The following CREBZF variants were observed in gnomAD, a reference collection of about 807,000 sequenced individuals.
The protein encoded by CREBZF is CREB/ATF bZIP transcription factor, also known as HCF-binding transcription factor Zhangfei.
CREBZF carries 8 observed loss-of-function variants against 21.1 expected under a neutral mutation model. The ratio of observed to expected loss-of-function variants is 0.38; its 90% CI spans 0.22 to 0.68. The LOEUF (loss-of-function observed/expected upper bound fraction) is 0.68. CREBZF is among the 30% of genes least tolerant of loss of function. The probability of loss-of-function intolerance (pLI) is 0.51; values close to 1 mark genes in which losing one functional copy is unlikely to be tolerated. For synonymous variants in CREBZF, 270 were observed against 223.3 expected (o/e 1.21, Z -1.86); for missense variants, 518 against 484.3 (o/e 1.07, Z -0.65).
At chr11:85,675,697 G>C (rs1270792891) in intron 1 of CREBZF, among the ~76,000 whole-genome samples, 1 of 152,108 alleles carries the variant, frequency 6.6e-6, no homozygotes, top group Non-Finnish European at 1.5e-5. Context: ...CCTTCGATTT[G>C]TAAAAAATGC....
rs3824956 is a variant in CREBZF, at chr11:85,659,438, C to T, written c.*4373G>A. 0.28 allele frequency among the ~76,000 whole-genome samples: 42,654 copies of T among 151,912 alleles called. 6,603 individuals are homozygous for T. The highest frequency in any genetic ancestry group is 0.39 in the African/African-American group (16,272 of 41,460). ...AGCTGTACTGTAGGAGCATCAGCGC[C>T]TAAGTTTTAAGCCAGTGGGAATACT... On this transcript the variant is annotated 3_prime_UTR_variant, in exon 1 of 1. Coordinates refer to ENST00000527447, the MANE Select transcript of CREBZF (RefSeq NM_001039618.4).
intron 1 of CREBZF, among the ~76,000 whole-genome samples, chr11:85,675,840 A>G (rs1324922939): frequency 6.6e-6 from 1 of 152,204 alleles, no homozygotes; most frequent in African/African-American, 2.4e-5. Flanking sequence ...TAGTGAGACC[A>G]TGAGGGGACA....
chr11:85,677,285 C>CCA lies in CREBZF; in HGVS notation n.147+5430_147+5431dup, dbSNP rs201129883. 9.9e-3 allele frequency among the ~76,000 whole-genome samples: 1,509 copies of CCA among 152,166 alleles called. 133 individuals are homozygous for CCA. In the East Asian group the frequency reaches 0.21, roughly 21 times the overall value. ...CGGCTTAAGTCATTTTTTTGTGTAGCCACAATGCCATGATTACAACTAATA... is the reference window on the plus strand; with the variant it reads ...CGGCTTAAGTCATTTTTTTGTGTAGCCACACAATGCCATGATTACAACTAATA... On this transcript the variant is annotated intron_variant and non_coding_transcript_variant, in intron 1 of 3. Coordinates refer to the CREBZF transcript ENST00000531515.
chr11:85,659,102 T>TA lies in CREBZF; in HGVS notation c.*4708dup, dbSNP rs1267755090. 3.3e-5 allele frequency among the ~76,000 whole-genome samples: 5 copies of TA among 151,834 alleles called. No homozygotes were observed. Among genetic ancestry groups the TA allele is most frequent in the East Asian group, 1.9e-4 (1 of 5,184 alleles). ...ATCCGCAGCTTAGGTGGTAAGTAAA[T>TA]AAAAAAACAGCTCAGAAAAACAGCA... On this transcript the variant is annotated 3_prime_UTR_variant, in exon 1 of 1. Coordinates refer to ENST00000527447, the MANE Select transcript of CREBZF (RefSeq NM_001039618.4).
chr11:85,663,584 A>G lies in CREBZF; in HGVS notation c.*227T>C, dbSNP rs1432179021. On this transcript the variant is annotated 3_prime_UTR_variant, in exon 1 of 1. Transcript: ENST00000527447. ...CTACAACGGAGCCTGGCAGGAAGGA[A>G]ATCACCTAAAAAAGAAACTGTCAGA... The G allele has an allele frequency of 6.5e-7, 1 of 1,543,756 alleles. No individual in the cohort carries two copies. The highest frequency in any genetic ancestry group is 1.4e-5 in the African/African-American group (1 of 72,886).
Position 85,663,749 on chromosome 11 carries a change from G to C in CREBZF, c.*62C>G. The stretch of plus-strand genomic sequence containing the variant: ...CGGTGAAGATGTCCCACTAAGGTAA[G>C]TTTGACATGGTGTAAGGGAGTTGAA... On this transcript the variant is annotated 3_prime_UTR_variant, in exon 1 of 1. Transcript: ENST00000527447. The C allele has an allele frequency of 6.3e-7, 1 of 1,586,722 alleles. No homozygotes were observed. Among genetic ancestry groups the C allele is most frequent in the Non-Finnish European group, 8.6e-7 (1 of 1,167,454 alleles).
chr11:85,681,602 A>T (rs1038849268), intron 1 of CREBZF, among the ~76,000 whole-genome samples: 9 of 152,222 alleles, frequency 5.9e-5, no homozygotes, highest in Admixed American at 5.9e-4. Flanking sequence ...GCTACACGGC[A>T]CTACTCATAC....
At chr11:85,668,284 T>C (rs138824146), upstream of CREBZF, among the ~76,000 whole-genome samples, 809 of 152,362 alleles carry the variant, frequency 5.3e-3, 9 homozygotes, top group African/African-American at 0.018. Context: ...AGAATTTTTA[T>C]GGAAATTGCA....
chr11:85,666,810 G>C (rs2082870829), upstream of CREBZF, among the ~76,000 whole-genome samples: 1 of 152,152 alleles, frequency 6.6e-6, no homozygotes, highest in African/African-American at 2.4e-5. Flanking sequence ...ATTATTTCAA[G>C]GTGTGAAAAA....
rs1318783305 is a variant in CREBZF, at chr11:85,663,640, A to G, written c.*171T>C. ...TTAATAGTCACATGTTATCATTAGG[A>G]GTTGGTTACTGTGTCACATTCATGC... is the stretch of plus-strand genomic sequence containing the variant. On this transcript the variant is annotated 3_prime_UTR_variant, in exon 1 of 1. Transcript: ENST00000527447. 2 of 1,590,002 alleles carry G rather than the reference A, an allele frequency of 1.3e-6. No individual in the cohort carries two copies. Among genetic ancestry groups the G allele is most frequent in the Non-Finnish European group, 1.7e-6 (2 of 1,168,094 alleles).
At chr11:85,665,561 A>G (rs1591485784), upstream of CREBZF, among the ~76,000 whole-genome samples, 1 of 150,324 alleles carries the variant, frequency 6.7e-6, no homozygotes, top group East Asian at 1.9e-4. Context: ...CCTCAGTTGG[A>G]TAATGGATAT....
At chr11:85,682,739 C>A in exon 1 of CREBZF, 1 of 698,746 alleles carries the variant, frequency 1.4e-6, no homozygotes. Context: ...CAGCCCGCTT[C>A]CAGAACCGTC....
chr11:85,662,909 C>G lies in CREBZF; in HGVS notation c.*902G>C. ...TTAGCCATTCTTATTCTCCAATTAA[C>G]TAAAACGCAGGAGTCTCATATGTAT... On this transcript the variant is annotated 3_prime_UTR_variant, in exon 1 of 1. Transcript: ENST00000527447. The G allele has an allele frequency of 6.4e-6, 1 of 157,190 alleles. No homozygotes were observed. Among genetic ancestry groups the G allele is most frequent in the African/African-American group, 2.4e-5 (1 of 41,644 alleles). 9.7% of individuals were successfully genotyped at this position (157,190 alleles called of 1,614,324 possible).
At chr11:85,674,764 T>C (rs1210434099) in intron 1 of CREBZF, among the ~76,000 whole-genome samples, 2 of 152,268 alleles carry the variant, frequency 1.3e-5, no homozygotes, top group Non-Finnish European at 2.9e-5. Context: ...TCTGGAAAAC[T>C]TGTTGCTGCT....
chr11:85,679,711 G>T (rs969316213), intron 1 of CREBZF, among the ~76,000 whole-genome samples: 1 of 152,210 alleles, frequency 6.6e-6, no homozygotes, highest in African/African-American at 2.4e-5. Context: ...GGACGAAAAA[G>T]ATATTGTCAT....
intron 1 of CREBZF, among the ~76,000 whole-genome samples, chr11:85,673,368 C>T (rs554046122): frequency 2.5e-4 from 38 of 152,256 alleles, no homozygotes; most frequent in South Asian, 2.1e-3. Context: ...AAGTGAATAT[C>T]ATAATAAAGT....
chr11:85,681,550 T>C (rs950521039), intron 1 of CREBZF, among the ~76,000 whole-genome samples: 2 of 152,214 alleles, frequency 1.3e-5, no homozygotes, highest in African/African-American at 2.4e-5. Context: ...TAGGGCACCC[T>C]GAAGAGCTCA....
At chr11:85,679,633 C>A (rs966513203) in intron 1 of CREBZF, among the ~76,000 whole-genome samples, 2 of 152,192 alleles carry the variant, frequency 1.3e-5, no homozygotes, top group African/African-American at 2.4e-5. Flanking sequence ...ACGTGAAAAT[C>A]CATGAGAGAA....
At chr11:85,679,472 AGAAAGATCAGAAAT>A (rs1190937579) in intron 1 of CREBZF, among the ~76,000 whole-genome samples, 1 of 152,272 alleles carries the variant, frequency 6.6e-6, no homozygotes, top group Non-Finnish European at 1.5e-5. Flanking sequence ...AATTAGGATC[AGAAAGATCAGAAAT>A]GAAAGATCAG....
Sources: allele counts gnomAD v4.1 joint callset (sites outside exome capture counted in the v4.1 genomes callset), GRCh38; gene constraint gnomAD v4.1.1; transcripts MANE v1.5; gene names NCBI Gene and HGNC (gene_info 2026-07-23, HGNC 2026-07-21).